The following ARHGEF4 variants were observed in gnomAD, a reference collection of about 807,000 sequenced individuals.
ARHGEF4 encodes Rho guanine nucleotide exchange factor 4.
In ARHGEF4, 119 loss-of-function variants were observed where a neutral mutation model predicts 162.0. That is an observed-to-expected ratio of 0.73 (90% confidence interval 0.63 to 0.86). ARHGEF4 has a LOEUF of 0.86. Ranked by LOEUF, ARHGEF4 falls within the 40% of genes least tolerant of loss-of-function variation. ARHGEF4 has a pLI of 0.00. For missense variants in ARHGEF4, 2,488 were observed against 2,456.0 expected (o/e 1.01, Z -0.28); for synonymous variants, 1,014 against 979.9 (o/e 1.03, Z -0.65).
At chr2:130,954,991 CT>C (rs1684182302) in intron 4 of ARHGEF4, among the ~76,000 whole-genome samples, 1 of 149,932 alleles carries the variant, frequency 6.7e-6, no homozygotes, top group Admixed American at 6.7e-5. Context: ...TCCCTTTGTT[CT>C]TTGGCTTATG....
chr2:130,919,667 G>A (rs1681748464), intron 2 of ARHGEF4, among the ~76,000 whole-genome samples: 1 of 152,164 alleles, frequency 6.6e-6, no homozygotes, highest in African/African-American at 2.4e-5. Flanking sequence ...CCTGAGGTCA[G>A]AAGTTCGAGA....
chr2:131,027,372 A>T (rs1420376768), intron 4 of ARHGEF4, among the ~76,000 whole-genome samples: 1 of 152,226 alleles, frequency 6.6e-6, no homozygotes, highest in African/African-American at 2.4e-5. Context: ...ATGATTTATT[A>T]CAAGTTCTAA....
chr2:130,896,864 A>G (rs750648319), intron 1 of ARHGEF4, among the ~76,000 whole-genome samples: 29 of 152,238 alleles, frequency 1.9e-4, no homozygotes, highest in Non-Finnish European at 3.7e-4. Context: ...GGGCTCTCCA[A>G]TGGTTTTATG....
chr2:130,998,222 C>T (rs1473967554), intron 4 of ARHGEF4, among the ~76,000 whole-genome samples: 1 of 152,016 alleles, frequency 6.6e-6, no homozygotes, highest in African/African-American at 2.4e-5. Flanking sequence ...TCATTGTTAA[C>T]ATGAATGGAC....
intron 1 of ARHGEF4, among the ~76,000 whole-genome samples, chr2:130,873,210 A>T (rs11903536): frequency 6.6e-6 from 1 of 152,024 alleles, no homozygotes; most frequent in African/African-American, 2.4e-5. Flanking sequence ...ATGGCGATAC[A>T]GTGCACACCT....
chr2:130,911,637 G>A (rs1196661417), intron 1 of ARHGEF4, among the ~76,000 whole-genome samples: 1 of 152,154 alleles, frequency 6.6e-6, no homozygotes, highest in Non-Finnish European at 1.5e-5. Context: ...CAGTGCAGCT[G>A]CGCAGACTAC....
chr2:130,972,810 G>T (rs1379157033), intron 4 of ARHGEF4, among the ~76,000 whole-genome samples: 2 of 152,164 alleles, frequency 1.3e-5, no homozygotes, highest in African/African-American at 2.4e-5. Flanking sequence ...AAATGTGATT[G>T]TTTCCGCAAT....
chr2:131,018,544 A>G (rs963382383), intron 4 of ARHGEF4, among the ~76,000 whole-genome samples: 6 of 152,086 alleles, frequency 3.9e-5, no homozygotes, highest in Admixed American at 6.5e-5. Flanking sequence ...CTTCCATTCT[A>G]TGGGTTGCCT....
chr2:130,995,398 G>T (rs1333908901), intron 4 of ARHGEF4, among the ~76,000 whole-genome samples: 1 of 152,098 alleles, frequency 6.6e-6, no homozygotes, highest in Non-Finnish European at 1.5e-5. Flanking sequence ...CATTGAGATA[G>T]TCAACCTTGC....
At chr2:130,913,506 TG>T (rs951650189) in intron 1 of ARHGEF4, among the ~76,000 whole-genome samples, 79 of 152,254 alleles carry the variant, frequency 5.2e-4, no homozygotes, top group African/African-American at 1.8e-3. Context: ...CTGTACTTTT[TG>T]TGTTTTTTTG....
At chr2:130,951,152 T>G (rs1354373646) in intron 4 of ARHGEF4, among the ~76,000 whole-genome samples, 1 of 152,226 alleles carries the variant, frequency 6.6e-6, no homozygotes, top group Non-Finnish European at 1.5e-5. Flanking sequence ...TCTAGACCAC[T>G]AAAACTTTCT....
At chr2:130,999,405 C>T (rs1014280360) in intron 4 of ARHGEF4, among the ~76,000 whole-genome samples, 7 of 152,098 alleles carry the variant, frequency 4.6e-5, no homozygotes, top group Non-Finnish European at 7.3e-5. Flanking sequence ...ATCCGCCCGC[C>T]TTGGCCTCCC....
At chr2:130,943,902 T>C (rs994789078) in intron 3 of ARHGEF4, among the ~76,000 whole-genome samples, 18 of 152,254 alleles carry the variant, frequency 1.2e-4, no homozygotes, top group African/African-American at 4.3e-4. Context: ...CCTTCATTTC[T>C]GAAGTTCAAA....
intron 1 of ARHGEF4, among the ~76,000 whole-genome samples, chr2:130,849,143 G>GTGA (rs900897055): frequency 6.6e-6 from 1 of 152,142 alleles, no homozygotes; most frequent in Non-Finnish European, 1.5e-5. Context: ...TTCTGGCTCC[G>GTGA]TGACCCCTCT....
At position 130,916,534 on chromosome 2, in the gene ARHGEF4, C is replaced by T. The variant is rs1161762184; in HGVS notation, c.2588C>T (p.Ala863Val). Residue 863 changes from alanine (A) to valine (V), a missense_variant, in exon 2 of 14, where the codon GCT becomes GTT. Ala to Val is a moderately conservative substitution (Grantham distance 64, BLOSUM62 0). Around this residue, in one of 6 missense-constraint regions of ARHGEF4, gnomAD observed 1,642 missense variants for 1,481.5 expected, o/e 1.11. Coordinates refer to ENST00000409359, the MANE Select transcript of ARHGEF4 (RefSeq NM_001367493.1). ...GCCTGGCCCGAGTTTGTCCCGCAGGCTGCAGGCGACAGGACTGCAGGGCCG... is the reference window on the plus strand; with the variant it reads ...GCCTGGCCCGAGTTTGTCCCGCAGGTTGCAGGCGACAGGACTGCAGGGCCG... ...ASAWPEFVPQAAGDRTAGPAG... is the reference protein window; with the variant it reads ...ASAWPEFVPQVAGDRTAGPAG... 3.2e-6 allele frequency: 5 copies of T among 1,549,856 alleles called. No homozygotes were observed. The African/African-American group carries it at 6.8e-5, about 21-fold the overall frequency.
intron 4 of ARHGEF4, among the ~76,000 whole-genome samples, chr2:131,003,000 C>T (rs1288194020): frequency 1.3e-5 from 2 of 152,116 alleles, no homozygotes; most frequent in African/African-American, 2.4e-5. Flanking sequence ...TATTTTTGCA[C>T]CCCAACTTTG....
At chr2:130,931,368 C>A (rs1574252635) in intron 3 of ARHGEF4, 111 bp downstream of exon 3, 1 of 1,202,196 alleles carries the variant, frequency 8.3e-7, no homozygotes, top group Non-Finnish European at 1.1e-6. Flanking sequence ...TGTAACTTGT[C>A]ACCCTGGGCC....
rs115939502 is a variant in ARHGEF4 at position 130,913,057 on chromosome 2, C to T, written c.40-929C>T. Among the ~76,000 whole-genome samples the T allele has an allele frequency of 8.6e-3, 1,312 of 152,004 alleles. 23 individuals are homozygous for T. Among genetic ancestry groups the T allele is most frequent in the African/African-American group, 0.027 (1,135 of 41,404 alleles). The stretch of plus-strand genomic sequence containing the variant: ...AGGAAGAAACAATATATATAGGGTT[C>T]GGTACTGGGGGGGAGTGGTTCAGGC... On this transcript the variant is annotated intron_variant, in intron 1 of 13. Transcript: ENST00000409359.
intron 4 of ARHGEF4, among the ~76,000 whole-genome samples, chr2:131,012,334 C>T (rs1180592948): frequency 4.6e-5 from 7 of 152,104 alleles, no homozygotes; most frequent in Admixed American, 1.3e-4. Flanking sequence ...TAGAGTGGCA[C>T]GGGGCAGGTG....
Sources: allele counts gnomAD v4.1 joint callset (sites outside exome capture counted in the v4.1 genomes callset), GRCh38; gene constraint gnomAD v4.1.1; regional missense constraint gnomAD v4.1.1; transcripts MANE v1.5; gene names NCBI Gene and HGNC (gene_info 2026-07-23, HGNC 2026-07-21).